DHX36: variants seen among roughly 807,000 people sequenced by gnomAD.
The protein encoded by DHX36 is DEAH-box helicase 36, also known as ATP-dependent DNA/RNA helicase DHX36.
DHX36 carries 50 observed loss-of-function variants against 139.0 expected under a neutral mutation model. That is an observed-to-expected ratio of 0.36 (90% confidence interval 0.29 to 0.46). DHX36 has a LOEUF of 0.46. DHX36 is among the 20% of genes least tolerant of loss of function. DHX36 has a pLI of 1.00. For synonymous variants in DHX36, 425 were observed against 401.9 expected (o/e 1.06, Z -0.69); for missense variants, 1,024 against 1,211.3 (o/e 0.85, Z 2.29).
At chr3:154,307,974 C>T (rs971761253) in intron 5 of DHX36, among the ~76,000 whole-genome samples, 13 of 151,888 alleles carry the variant, frequency 8.6e-5, no homozygotes, top group Admixed American at 6.6e-4. Context: ...GAAATAGACA[C>T]AAAAAGACAA....
intron 12 of DHX36, among the ~76,000 whole-genome samples, chr3:154,298,196 C>T (rs1353627264): frequency 1.3e-5 from 2 of 152,148 alleles, no homozygotes; most frequent in Non-Finnish European, 2.9e-5. Context: ...ATAATATACC[C>T]TTTTCCCACT....
rs377323319 is a variant in DHX36, at chr3:154,276,819, G to T, written c.2769C>A (p.Asn923Lys). Reference sequence around the variant, plus strand: ...CATCTACAGCAATAGTTTCCTGATCGTTATCCTTCTGGATGGAAATGTCAC... The same window carrying T: ...CATCTACAGCAATAGTTTCCTGATCTTTATCCTTCTGGATGGAAATGTCAC... ...FGGDISIQKD[N>K]DQETIAVDEW... Residue 923 changes from asparagine (N) to lysine (K), a missense_variant, in exon 24 of 25, where the codon AAC becomes AAA. By Grantham distance (94) the Asn-to-Lys change is moderately conservative. This residue lies in a region of DHX36 where 470 missense variants were observed against 616.2 expected (regional missense o/e 0.76). Coordinates refer to ENST00000496811, the MANE Select transcript of DHX36 (RefSeq NM_020865.3). 6.2e-7 allele frequency: 1 copy of T among 1,613,676 alleles called. No homozygotes were observed.
intron 6 of DHX36, 156 bp from the exon 7 acceptor site, chr3:154,305,324 G>A: frequency 1.7e-6 from 1 of 598,428 alleles, no homozygotes; most frequent in Non-Finnish European, 2.9e-6. Context: ...CCACAATGGG[G>A]TAATGGGAAA....
intron 12 of DHX36, among the ~76,000 whole-genome samples, chr3:154,298,642 C>T (rs947024964): frequency 6.6e-6 from 1 of 152,172 alleles, no homozygotes; most frequent in Non-Finnish European, 1.5e-5. Flanking sequence ...TCTGGCTGGG[C>T]GTGGTGGCTC....
At chr3:154,289,022 A>C (rs554615944) in intron 16 of DHX36, 58 bp from the exon 17 acceptor site, 13 of 858,258 alleles carry the variant, frequency 1.5e-5, no homozygotes, top group Middle Eastern at 3.6e-4. Flanking sequence ...TTAGCATTAC[A>C]ACTTAGTCCT....
Position 154,304,944 on chromosome 3 carries a change from G to C in DHX36, c.997C>G (p.Leu333Val). ...AGATTTCTTTCATGGATTTCATCAA[G>C]TACGATATGACTAACACTGGACAAA... ...PYLSSVSHIV[L>V]DEIHERNLQS... Residue 333 changes from leucine (L) to valine (V), a missense_variant, in exon 8 of 25, where the codon CTT (leucine) becomes GTT (valine). Transcript: ENST00000496811. The C allele has an allele frequency of 6.2e-7, 1 of 1,610,174 alleles. No homozygotes were observed. Among genetic ancestry groups the C allele is most frequent in the Non-Finnish European group, 8.5e-7 (1 of 1,178,892 alleles).
chr3:154,277,924 T>A, intron 22 of DHX36: 1 of 392,868 alleles, frequency 2.5e-6, no homozygotes, highest in Non-Finnish European at 4.5e-6. Context: ...CTTAAAAATA[T>A]ATGAAAAAAT....
chr3:154,282,862 C>T (rs1719373220), intron 20 of DHX36, among the ~76,000 whole-genome samples: 1 of 152,164 alleles, frequency 6.6e-6, no homozygotes, highest in African/African-American at 2.4e-5. Flanking sequence ...TTACAGATAT[C>T]TATCCTATTT....
Position 154,276,091 on chromosome 3 carries a change from G to T in DHX36, c.*80C>A. ...CACATGAAAATTGTTCATGTCCCAGGGTTTGGCATCCAGCCAAAATTTAAA... is the reference window on the plus strand; with the variant it reads ...CACATGAAAATTGTTCATGTCCCAGTGTTTGGCATCCAGCCAAAATTTAAA... On this transcript the variant is annotated 3_prime_UTR_variant, in exon 25 of 25. Transcript: ENST00000496811. 7.1e-7 allele frequency: 1 copy of T among 1,411,212 alleles called. No homozygotes were observed. Among genetic ancestry groups the T allele is most frequent in the Non-Finnish European group, 9.7e-7 (1 of 1,031,398 alleles). The allele number at this position is 1,411,212 out of a possible 1,614,324, so 87.4% of individuals were successfully genotyped here. A position where few individuals can be genotyped will look rare whatever the true frequency, so the allele number is the denominator to read the frequency against.
intron 17 of DHX36, among the ~76,000 whole-genome samples, chr3:154,286,678 C>A (rs1270298343): frequency 6.6e-6 from 1 of 151,960 alleles, no homozygotes; most frequent in Non-Finnish European, 1.5e-5. Flanking sequence ...AGACTCAATA[C>A]TGTAAAGATG....
chr3:154,283,842 T>C (rs1288664612), intron 19 of DHX36, among the ~76,000 whole-genome samples: 2 of 152,192 alleles, frequency 1.3e-5, no homozygotes, highest in East Asian at 1.9e-4. Context: ...CAGATACACG[T>C]GGCTTTTGGG....
rs746306582 is a variant in DHX36 at position 154,276,362 on chromosome 3, G to A, written c.2842-6C>T. The A allele has an allele frequency of 4.6e-5, 74 of 1,606,346 alleles. No homozygotes were observed. Among genetic ancestry groups the A allele is most frequent in the Non-Finnish European group, 5.9e-5 (69 of 1,178,074 alleles). On this transcript the variant is annotated splice_region_variant and splice_polypyrimidine_tract_variant and intron_variant, in intron 24 of 24. Transcript: ENST00000496811. ...TCTAGTTCCTTTCTTAATTCCTAAG[G>A]TTGGAAAAATTATACATGTTCAACA...
intron 19 of DHX36, among the ~76,000 whole-genome samples, chr3:154,283,537 T>C (rs966124328): frequency 2.6e-5 from 4 of 152,104 alleles, no homozygotes; most frequent in African/African-American, 9.7e-5. Flanking sequence ...TTACACAAAA[T>C]GGCATCCAAA....
chr3:154,308,806 C>T (rs1408509917), intron 5 of DHX36, among the ~76,000 whole-genome samples: 1 of 152,118 alleles, frequency 6.6e-6, no homozygotes, highest in African/African-American at 2.4e-5. Context: ...CTTAAGTATG[C>T]CTTCCCAAAA....
At chr3:154,308,085 G>C (rs538946475) in intron 5 of DHX36, among the ~76,000 whole-genome samples, 1 of 152,250 alleles carries the variant, frequency 6.6e-6, no homozygotes, top group African/African-American at 2.4e-5. Context: ...GACAGGAGGA[G>C]GACAGATGAT....
intron 24 of DHX36, 54 bp downstream of exon 24, chr3:154,276,693 T>G: frequency 6.4e-7 from 1 of 1,555,086 alleles, no homozygotes; most frequent in South Asian, 1.1e-5. Context: ...CAAAACCACA[T>G]GACCACATGC....
At position 154,324,262 on chromosome 3, in the gene DHX36, C is replaced by T. The variant is rs376376653; in HGVS notation, c.155G>A (p.Arg52Gln). Residue 52 changes from arginine to glutamine, a missense_variant, in exon 1 of 25, where the codon CGG becomes CAG. Around this residue, in one of 4 missense-constraint regions of DHX36, gnomAD observed 293 missense variants for 274.4 expected, o/e 1.07. Coordinates refer to ENST00000496811, the MANE Select transcript of DHX36 (RefSeq NM_020865.3). ...GCGGCCTTTCAGGTGCCCGGGATGC[C>T]GGCCCCTGCCGCCTCGACCACCCCC... Reference protein sequence around the residue: ...GGGGGRGGRGRHPGHLKGREI... With the variant: ...GGGGGRGGRGQHPGHLKGREI... 6 of 1,613,490 alleles carry T rather than the reference C, an allele frequency of 3.7e-6. No homozygotes were observed. Among genetic ancestry groups the T allele is most frequent in the Non-Finnish European group, 5.1e-6 (6 of 1,179,762 alleles).
intron 9 of DHX36, among the ~76,000 whole-genome samples, chr3:154,302,483 G>T (rs1253747296): frequency 6.6e-6 from 1 of 152,136 alleles, no homozygotes; most frequent in African/African-American, 2.4e-5. Flanking sequence ...GAAATGTTAG[G>T]TTCAAGGCAT....
intron 8 of DHX36, 62 bp downstream of exon 8, chr3:154,304,744 T>A (rs866684899): frequency 9.4e-6 from 12 of 1,270,802 alleles, no homozygotes; most frequent in African/African-American, 1.5e-5. Context: ...TAGTACCATA[T>A]TAATTTTTTT....
Sources: allele counts gnomAD v4.1 joint callset (sites outside exome capture counted in the v4.1 genomes callset), GRCh38; gene constraint gnomAD v4.1.1; regional missense constraint gnomAD v4.1.1; transcripts MANE v1.5; gene names NCBI Gene and HGNC (gene_info 2026-07-23, HGNC 2026-07-21).